KLRG1: variants seen among roughly 807,000 people sequenced by gnomAD.
KLRG1 encodes killer cell lectin-like receptor subfamily G member 1.
Under a neutral mutation model 21.8 loss-of-function variants are expected in KLRG1, and 16 were observed. The ratio of observed to expected loss-of-function variants is 0.73; its 90% CI spans 0.50 to 1.11. The LOEUF (loss-of-function observed/expected upper bound fraction) is 1.11, where lower values mean the gene tolerates loss of function less well. Among genes scored for constraint, KLRG1 ranks in the 50% most tolerant of loss-of-function variants. The pLI is 0.00. For synonymous variants in KLRG1, 69 were observed against 75.9 expected (o/e 0.91, Z 0.47); for missense variants, 173 against 218.3 (o/e 0.79, Z 1.31).
the KLRG1 span, chr12:9,095,142 G>A: frequency 5.5e-5 from 49 of 888,758 alleles, no homozygotes; most frequent in South Asian, 7.7e-4. Context: ...TACATAGGTA[G>A]CTACTTCTTT....
At chr12:8,997,780 A>G (rs1947178502) in intron 3 of KLRG1, among the ~76,000 whole-genome samples, 1 of 151,926 alleles carries the variant, frequency 6.6e-6, no homozygotes, top group South Asian at 2.1e-4. Context: ...TTTTATGTAT[A>G]GTATTCTTTT....
chr12:9,149,066 G>C, the KLRG1 span: 1 of 1,386,834 alleles, frequency 7.2e-7, no homozygotes, highest in South Asian at 1.2e-5. Context: ...GTGGGCAGCA[G>C]AGTGAGCTTA....
the KLRG1 span, chr12:9,069,668 T>C: frequency 2.8e-6 from 3 of 1,072,318 alleles, no homozygotes; most frequent in Non-Finnish European, 4.1e-6. Flanking sequence ...GTTTCTAAAA[T>C]GCATTTACCT....
chr12:9,048,958 G>A, the KLRG1 span, among the ~76,000 whole-genome samples: 1,840 of 152,280 alleles, frequency 0.012, 21 homozygotes, highest in Middle Eastern at 0.044. Context: ...GAACCTTTGG[G>A]GCAGGGTTAC....
At chr12:9,123,466 TA>T in the KLRG1 span, among the ~76,000 whole-genome samples, 3,037 of 152,118 alleles carry the variant, frequency 0.02, 40 homozygotes, top group Non-Finnish European at 0.032. Flanking sequence ...GGGTGGGGGT[TA>T]GGGGGAATAA....
chr12:9,138,301 G>T, the KLRG1 span, among the ~76,000 whole-genome samples: 1 of 151,748 alleles, frequency 6.6e-6, no homozygotes, highest in Non-Finnish European at 1.5e-5. Flanking sequence ...TTTATTCTGT[G>T]AATGTGGTAC....
At chr12:9,031,767 T>C in the KLRG1 span, among the ~76,000 whole-genome samples, 1 of 152,160 alleles carries the variant, frequency 6.6e-6, no homozygotes, top group Non-Finnish European at 1.5e-5. Flanking sequence ...CTCAGAAAGG[T>C]GGGACAACTC....
the KLRG1 span, among the ~76,000 whole-genome samples, chr12:9,108,574 T>C: frequency 6.6e-6 from 1 of 152,212 alleles, no homozygotes; most frequent in Non-Finnish European, 1.5e-5. Context: ...AACCAGGAAC[T>C]TGGCCATCAC....
At chr12:9,208,260 G>A in the KLRG1 span, 17 of 1,611,430 alleles carry the variant, frequency 1.1e-5, no homozygotes, top group Non-Finnish European at 1.4e-5. Context: ...GAGACTTACG[G>A]TTCTGTAGAG....
the KLRG1 span, among the ~76,000 whole-genome samples, chr12:9,170,284 G>A: frequency 6.6e-6 from 1 of 152,166 alleles, no homozygotes; most frequent in Non-Finnish European, 1.5e-5. This position sits in a 1 kb window ranked among gnomAD's most constrained non-coding sequence, Gnocchi z 4.6. Context: ...GCAACCCATG[G>A]ATCAGGAGAT....
chr12:8,952,451 C>T (rs1351319907), intron 1 of KLRG1, among the ~76,000 whole-genome samples: 1 of 152,190 alleles, frequency 6.6e-6, no homozygotes, highest in African/African-American at 2.4e-5. Flanking sequence ...CTCAGCCTCC[C>T]AAAATGCTGG....
At chr12:9,206,804 A>G in the KLRG1 span, among the ~76,000 whole-genome samples, 1 of 152,130 alleles carries the variant, frequency 6.6e-6, no homozygotes, top group Non-Finnish European at 1.5e-5. Flanking sequence ...ACGTAAAAGG[A>G]TGGTTTCAAT....
At chr12:9,213,448 T>C in the KLRG1 span, among the ~76,000 whole-genome samples, 1 of 152,162 alleles carries the variant, frequency 6.6e-6, no homozygotes, top group Non-Finnish European at 1.5e-5. Context: ...ACCAGCAGTG[T>C]ATGAACATCC....
the KLRG1 span, among the ~76,000 whole-genome samples, chr12:9,177,003 T>G: frequency 0.039 from 5,863 of 152,266 alleles, 390 homozygotes; most frequent in African/African-American, 0.13. Context: ...CGAGTATATT[T>G]TACATGTGAG....
upstream of KLRG1, among the ~76,000 whole-genome samples, chr12:8,984,725 A>G (rs1296313887): frequency 6.6e-6 from 1 of 152,176 alleles, no homozygotes; most frequent in Non-Finnish European, 1.5e-5. Context: ...CTTGTTTGCT[A>G]GTTCCAGCAT....
chr12:9,185,581 A>G, the KLRG1 span, among the ~76,000 whole-genome samples: 1 of 152,146 alleles, frequency 6.6e-6, no homozygotes, highest in Non-Finnish European at 1.5e-5. Flanking sequence ...GGAAATGAAG[A>G]GAACCCCAAA....
At chr12:9,210,683 TGGAAA>T in the KLRG1 span, among the ~76,000 whole-genome samples, 3 of 152,186 alleles carry the variant, frequency 2.0e-5, no homozygotes, top group African/African-American at 7.2e-5. Flanking sequence ...ATACCATTAC[TGGAAA>T]GGAAAGTCTT....
chr12:9,002,926 C>CACACACACAT (rs1437302331), intron 3 of KLRG1, among the ~76,000 whole-genome samples: 2 of 151,564 alleles, frequency 1.3e-5, no homozygotes, highest in African/African-American at 4.8e-5. Flanking sequence ...CACACACACA[C>CACACACACAT]ACACACACAC....
At chr12:9,038,820 T>C in the KLRG1 span, among the ~76,000 whole-genome samples, 2 of 151,500 alleles carry the variant, frequency 1.3e-5, no homozygotes, top group African/African-American at 4.9e-5. Flanking sequence ...AATCGCTTGA[T>C]TCTCCACCCA....
Sources: allele counts gnomAD v4.1 joint callset (sites outside exome capture counted in the v4.1 genomes callset), GRCh38; gene constraint gnomAD v4.1.1; non-coding constraint Gnocchi (gnomAD v3.1); transcripts MANE v1.5; gene names NCBI Gene and HGNC (gene_info 2026-07-23, HGNC 2026-07-21).